TCF7L1: variants seen among roughly 807,000 people sequenced by gnomAD.
TCF7L1 encodes the protein transcription factor 7 like 1, also known as transcription factor 7-like 1.
Under a neutral mutation model 63.7 loss-of-function variants are expected in TCF7L1, and 18 were observed. That is an observed-to-expected ratio of 0.28 (90% CI 0.20 to 0.42). TCF7L1 has a LOEUF of 0.42. Ranked by LOEUF, TCF7L1 falls within the 10% of genes least tolerant of loss-of-function variation. The pLI, the probability that TCF7L1 is intolerant of heterozygous loss-of-function variation, is 1.00. For missense variants in TCF7L1, 654 were observed against 779.3 expected, an observed-to-expected ratio of 0.84 and a Z score of 1.91; for synonymous variants, 355 against 340.9, an observed-to-expected ratio of 1.04 and a Z score of -0.46.
At chr2:85,144,729 GTGTGTGTGTGTGTGTGTGTGTA>G (rs1677832355) in intron 3 of TCF7L1, among the ~76,000 whole-genome samples, 1 of 146,506 alleles carries the variant, frequency 6.8e-6, no homozygotes, top group Non-Finnish European at 1.5e-5. Flanking sequence ...CTGTGTGTGT[GTGTGTGTGTGTGTGTGTGTGTA>G]TGTGTGTGTG....
At chr2:85,211,432 A>C (rs1053916055) in intron 3 of TCF7L1, among the ~76,000 whole-genome samples, 9 of 152,222 alleles carry the variant, frequency 5.9e-5, no homozygotes, top group African/African-American at 1.9e-4. Context: ...GGTCATTATG[A>C]GGATTAAATG....
chr2:85,135,088 G>A (rs1029362544), intron 3 of TCF7L1, among the ~76,000 whole-genome samples: 1 of 152,196 alleles, frequency 6.6e-6, no homozygotes, highest in Admixed American at 6.5e-5. Flanking sequence ...TTTAAAGCGA[G>A]CGCTGCGACA....
chr2:85,219,425 C>T lies in TCF7L1; in HGVS notation c.442-64070C>T, dbSNP rs888063919. Among the ~76,000 whole-genome samples, 34 of 152,206 alleles carry T rather than the reference C, an allele frequency of 2.2e-4. 2 individuals carry two copies. The highest frequency in any genetic ancestry group is 2.2e-3 in the Admixed American group (34 of 15,288). On this transcript the variant is annotated intron_variant, in intron 3 of 11. Transcript: ENST00000282111. ...CACAAGGGACATGAACAAGAACGCT[C>T]CTTGCTGCATTGTTTACAGTAGCAT...
intron 4 of TCF7L1, among the ~76,000 whole-genome samples, chr2:85,294,199 G>A (rs879603773): frequency 1.3e-4 from 19 of 151,860 alleles, no homozygotes; most frequent in Admixed American, 2.0e-4. Context: ...ACCACGCCCG[G>A]CTAATTTTTT....
intron 3 of TCF7L1, among the ~76,000 whole-genome samples, chr2:85,241,230 C>G (rs1461910980): frequency 6.6e-6 from 1 of 152,102 alleles, no homozygotes; most frequent in East Asian, 1.9e-4. Context: ...TGCTCTCTTT[C>G]TTTCTCAGTG....
intron 3 of TCF7L1, among the ~76,000 whole-genome samples, chr2:85,232,455 T>C (rs1458252169): frequency 6.6e-6 from 1 of 152,182 alleles, no homozygotes; most frequent in Non-Finnish European, 1.5e-5. Context: ...ACAGCAGTGA[T>C]ATGAGTGTCC....
intron 3 of TCF7L1, among the ~76,000 whole-genome samples, chr2:85,276,112 T>C (rs1329765849): frequency 4.6e-5 from 7 of 152,222 alleles, no homozygotes; most frequent in Admixed American, 3.9e-4. Flanking sequence ...TAATCCATCT[T>C]GTTTGGGAAC....
At position 85,134,600 on chromosome 2, in the gene TCF7L1, A is replaced by G. The variant is rs1677546549; in HGVS notation, c.441+150A>G. 4.9e-6 allele frequency: 5 copies of G among 1,020,436 alleles called. No homozygotes were observed. The Admixed American group carries it at 8.9e-5, about 18-fold the overall frequency. 63.2% of individuals were successfully genotyped at this position (1,020,436 alleles called of 1,614,324 possible). ...GAGTTGAACTACTCTCTGGCGGCCG[A>G]GCGCGAGGCTGCGCTGGCCAGTGCC... is the stretch of plus-strand genomic sequence containing the variant. On this transcript the variant is annotated intron_variant, in intron 3 of 11. Coordinates refer to ENST00000282111, the MANE Select transcript of TCF7L1 (RefSeq NM_031283.3). This position sits in a 1 kb window ranked among gnomAD's most constrained non-coding sequence, Gnocchi z 5.0.
At position 85,309,705 on chromosome 2, in the gene TCF7L1, T is replaced by C. The variant is rs1682231240; in HGVS notation, c.*243T>C. 2.3e-6 allele frequency: 1 copy of C among 436,464 alleles called. No individual in the cohort carries two copies. The highest frequency in any genetic ancestry group is 4.0e-6 in the Non-Finnish European group (1 of 249,920). 27.0% of individuals were successfully genotyped at this position (436,464 alleles called of 1,614,324 possible). A position where few individuals can be genotyped will look rare whatever the true frequency, so the allele number is the denominator to read the frequency against. The stretch of plus-strand genomic sequence containing the variant: ...TAAGAAAGAGAACTGAAAAGTAGCG[T>C]GCTATTCGTCCTGTAGGTGCTGTGG... On this transcript the variant is annotated 3_prime_UTR_variant, in exon 12 of 12. Transcript: ENST00000282111.
At chr2:85,305,449 G>A in intron 8 of TCF7L1, 46 bp downstream of exon 8, 1 of 1,564,182 alleles carries the variant, frequency 6.4e-7, no homozygotes. Context: ...TGCAGGCTGT[G>A]GGGAGGGGTG....
At chr2:85,185,060 C>A (rs1678886759) in intron 3 of TCF7L1, among the ~76,000 whole-genome samples, 1 of 152,150 alleles carries the variant, frequency 6.6e-6, no homozygotes, top group South Asian at 2.1e-4. Flanking sequence ...TCTCTTCCAC[C>A]ATTCAAGATC....
At chr2:85,286,427 A>C (rs1337079237) in intron 4 of TCF7L1, among the ~76,000 whole-genome samples, 1 of 152,000 alleles carries the variant, frequency 6.6e-6, no homozygotes, top group South Asian at 2.1e-4. Context: ...CTTTAATCTC[A>C]ACACTTTGGG....
chr2:85,309,227 C>G lies in TCF7L1; in HGVS notation c.1532C>G (p.Thr511Ser). Reference sequence around the variant, plus strand: ...CTCTCCCTCACCACCAAACCAGAAACCCGGGCCCAGCTGGCTCTCCACTCT... The same window carrying G: ...CTCTCCCTCACCACCAAACCAGAAAGCCGGGCCCAGCTGGCTCTCCACTCT... ...QPLSLTTKPE[T>S]RAQLALHSAA... The change falls in exon 12 of 12, where the codon ACC becomes AGC. Residue 511 changes from threonine to serine, a missense_variant. Coordinates refer to ENST00000282111, the MANE Select transcript of TCF7L1 (RefSeq NM_031283.3). The G allele has an allele frequency of 6.2e-7, 1 of 1,614,142 alleles. No individual in the cohort carries two copies. Among genetic ancestry groups the G allele is most frequent in the East Asian group, 2.2e-5 (1 of 44,882 alleles).
At position 85,308,440 on chromosome 2, in the gene TCF7L1, CCTTTCTCTTT is replaced by C. The variant is rs1448117698; in HGVS notation, c.1334-587_1334-578del. Among the ~76,000 whole-genome samples the C allele has an allele frequency of 1.4e-4, 15 of 107,078 alleles. 1 individual carries two copies. Among genetic ancestry groups the C allele is most frequent in the East Asian group, 9.5e-4 (3 of 3,142 alleles). The allele number at this position is 107,078 out of a possible 152,430, so 70.2% of individuals were successfully genotyped here. A position where few individuals can be genotyped will look rare whatever the true frequency, so the allele number is the denominator to read the frequency against. On this transcript the variant is annotated intron_variant, in intron 11 of 11. Transcript: ENST00000282111. ...CCTTCCCTCCCTCCTTTTCTCCCTC[CCTTTCTCTTT>C]CCCTCCCTCTCTTTCCCTCCCTCTC...
At chr2:85,298,481 C>CAAAA (rs775849544) in intron 4 of TCF7L1, among the ~76,000 whole-genome samples, 53 of 70,962 alleles carry the variant, frequency 7.5e-4, no homozygotes, top group African/African-American at 1.4e-3. Context: ...GACTCTGTCT[C>CAAAA]AAAAAAAAAA....
At chr2:85,177,990 T>C (rs1216164193) in intron 3 of TCF7L1, among the ~76,000 whole-genome samples, 1 of 152,040 alleles carries the variant, frequency 6.6e-6, no homozygotes, top group Non-Finnish European at 1.5e-5. Flanking sequence ...GTGGAACGGA[T>C]ATAGAGTCAT....
chr2:85,253,578 A>G (rs949478470), intron 3 of TCF7L1, among the ~76,000 whole-genome samples: 56 of 152,330 alleles, frequency 3.7e-4, no homozygotes, highest in African/African-American at 1.3e-3. Context: ...TTCCTGGTCC[A>G]CCAGAGCAAC....
chr2:85,299,279 G>A (rs1197238588), intron 4 of TCF7L1, among the ~76,000 whole-genome samples: 1 of 152,054 alleles, frequency 6.6e-6, no homozygotes, highest in Non-Finnish European at 1.5e-5. Flanking sequence ...GCTGGGCGTG[G>A]TGGCTCACAC....
intron 3 of TCF7L1, among the ~76,000 whole-genome samples, chr2:85,150,999 T>TAGAAC (rs1418695663): frequency 6.6e-6 from 1 of 152,196 alleles, no homozygotes; most frequent in African/African-American, 2.4e-5. Context: ...TGTGACACTA[T>TAGAAC]AGAACATATT....
Sources: gnomAD v4.1 joint callset for allele counts (sites outside exome capture counted in the v4.1 genomes callset) on GRCh38, gnomAD v4.1.1 for gene constraint, Gnocchi (gnomAD v3.1) non-coding constraint, MANE v1.5 for transcripts, NCBI Gene and HGNC (gene_info 2026-07-23, HGNC 2026-07-21) for gene names.